The following EMSY variants were observed in gnomAD, a reference collection of about 807,000 sequenced individuals.
EMSY encodes BRCA2-interacting transcriptional repressor EMSY.
A neutral mutation model predicts 134.6 loss-of-function variants in EMSY; 26 were observed. The observed-to-expected ratio is 0.19, with a 90% CI of 0.14 to 0.27. EMSY has a LOEUF of 0.27. Among genes scored for constraint, EMSY ranks in the 10% least tolerant of loss-of-function variants. The pLI, the probability that EMSY is intolerant of heterozygous loss-of-function variation, is 1.00. For synonymous variants in EMSY, 579 were observed against 577.8 expected (o/e 1.00, Z -0.03); for missense variants, 1,305 against 1,611.4 (o/e 0.81, Z 3.26).
chr11:76,460,261 T>C, intron 6 of EMSY, 176 bp downstream of exon 7: 4 of 702,636 alleles, frequency 5.7e-6, no homozygotes, highest in Non-Finnish European at 9.4e-6. Flanking sequence ...ATTGCTTTTT[T>C]AATCAGTTCT....
In EMSY at chr11:76,446,882, T is replaced by A; in HGVS notation, c.-39-18T>A. 1 of 1,559,562 alleles carries A rather than the reference T, an allele frequency of 6.4e-7. No homozygotes were observed. Among genetic ancestry groups the A allele is most frequent in the Non-Finnish European group, 8.7e-7 (1 of 1,148,652 alleles). Reference sequence around the variant, plus strand: ...TTTGGTACTTTGGTAATTTGACTTTTTTTTTTTGTTCTGGTAGGGAGGACA... The same window carrying A: ...TTTGGTACTTTGGTAATTTGACTTTATTTTTTTGTTCTGGTAGGGAGGACA... On this transcript the variant is annotated intron_variant, in intron 1 of 20. Transcript: ENST00000334736.
intron 20 of EMSY, 87 bp from the exon 22 acceptor site, chr11:76,549,865 C>CTTTTTTTTTTTTT: frequency 2.0e-6 from 2 of 992,770 alleles, no homozygotes; most frequent in Non-Finnish European, 2.8e-6. Flanking sequence ...TGTCAGTTTT[C>CTTTTTTTTTTTTT]TTTTTTTTTT....
At chr11:76,457,761 C>T (rs2135005973) in intron 4 of EMSY, among the ~76,000 whole-genome samples, 1 of 152,274 alleles carries the variant, frequency 6.6e-6, no homozygotes, top group Middle Eastern at 3.4e-3. Context: ...TCAGTGAATT[C>T]CATCCTTAAT....
chr11:76,474,850 G>A (rs902456063), intron 8 of EMSY, among the ~76,000 whole-genome samples: 1 of 152,058 alleles, frequency 6.6e-6, no homozygotes, highest in South Asian at 2.1e-4. Flanking sequence ...TGCAACCTCC[G>A]CCTCCCGGGT....
chr11:76,522,713 A>T (rs1037104512), intron 11 of EMSY, among the ~76,000 whole-genome samples: 3 of 151,634 alleles, frequency 2.0e-5, no homozygotes, highest in Non-Finnish European at 4.4e-5. Context: ...CTTTTCATAA[A>T]TTTTTTCTAG....
intron 8 of EMSY, among the ~76,000 whole-genome samples, chr11:76,490,825 T>G (rs547140403): frequency 1.3e-5 from 2 of 152,266 alleles, no homozygotes; most frequent in Middle Eastern, 3.4e-3. Flanking sequence ...GAAGCTAAGA[T>G]CTGGGTTCTG....
chr11:76,448,349 CTT>C (rs1015961153), intron 2 of EMSY, among the ~76,000 whole-genome samples: 4 of 150,982 alleles, frequency 2.6e-5, no homozygotes, highest in African/African-American at 4.9e-5. Flanking sequence ...TTTAACCAAA[CTT>C]TTAGTCCTAA....
intron 11 of EMSY, among the ~76,000 whole-genome samples, chr11:76,520,114 A>G (rs1950591512): frequency 6.6e-6 from 1 of 152,158 alleles, no homozygotes; most frequent in African/African-American, 2.4e-5. Flanking sequence ...ATACAGAAAC[A>G]TGTTCACTAG....
intron 18 of EMSY, among the ~76,000 whole-genome samples, 199 bp from the exon 20 acceptor site, chr11:76,544,057 AAGT>A (rs1216602142): frequency 1.3e-5 from 2 of 152,164 alleles, no homozygotes; most frequent in African/African-American, 4.8e-5. Flanking sequence ...TTATAGTAGT[AAGT>A]AGACCAGTTT....
intron 14 of EMSY, among the ~76,000 whole-genome samples, chr11:76,531,604 AGAT>A (rs1363619963): frequency 6.6e-6 from 1 of 152,188 alleles, no homozygotes; most frequent in Non-Finnish European, 1.5e-5. Context: ...CACTTGGTTA[AGAT>A]GATGTCTTCT....
chr11:76,514,835 T>C (rs1950392698), intron 10 of EMSY, among the ~76,000 whole-genome samples: 1 of 152,170 alleles, frequency 6.6e-6, no homozygotes, highest in South Asian at 2.1e-4. Flanking sequence ...TATTATTCTT[T>C]AGTATTTTTA....
chr11:76,516,438 G>C (rs1950454070), intron 11 of EMSY, 126 bp downstream of exon 12: 1 of 606,182 alleles, frequency 1.6e-6, no homozygotes. Context: ...CTTTGTTTTA[G>C]TCCTTATGTT....
intron 16 of EMSY, among the ~76,000 whole-genome samples, chr11:76,538,832 C>T (rs987420210): frequency 5.3e-5 from 8 of 152,044 alleles, no homozygotes; most frequent in Non-Finnish European, 7.4e-5. Flanking sequence ...GTGGCACTTG[C>T]CTGTAGTCCC....
intron 9 of EMSY, among the ~76,000 whole-genome samples, chr11:76,508,538 A>G (rs903584022): frequency 1.3e-5 from 2 of 152,166 alleles, no homozygotes; most frequent in East Asian, 1.9e-4. Context: ...ACTTAAACTC[A>G]GCAACTGCAT....
chr11:76,464,814 G>A (rs147678120), intron 7 of EMSY, among the ~76,000 whole-genome samples: 1 of 152,274 alleles, frequency 6.6e-6, no homozygotes, highest in African/African-American at 2.4e-5. Context: ...ATGGTAGACT[G>A]CAAATTTCTT....
intron 3 of EMSY, 67 bp from the exon 4 acceptor site, chr11:76,453,247 C>T: frequency 6.8e-7 from 1 of 1,461,152 alleles, no homozygotes; most frequent in South Asian, 1.2e-5. Context: ...TTGACTTAAA[C>T]ATTAATGAAA....
At chr11:76,471,691 A>G (rs1468240299) in intron 7 of EMSY, among the ~76,000 whole-genome samples, 1 of 152,172 alleles carries the variant, frequency 6.6e-6, no homozygotes, top group Non-Finnish European at 1.5e-5. Context: ...TTTGGACAGA[A>G]GACCTCAGAG....
chr11:76,480,154 T>G (rs1043743693), intron 8 of EMSY, among the ~76,000 whole-genome samples: 1 of 152,186 alleles, frequency 6.6e-6, no homozygotes, highest in Non-Finnish European at 1.5e-5. Context: ...ACTGTTTTGG[T>G]GTTAATGCCC....
At chr11:76,528,273 T>C (rs866340266) in exon 14 of EMSY, 1 of 1,613,196 alleles carries the variant, frequency 6.2e-7, no homozygotes, top group Admixed American at 1.7e-5. Context: ...CCTAGGTTCT[T>C]ATTAAACCCA....
Sources: allele counts gnomAD v4.1 joint callset (sites outside exome capture counted in the v4.1 genomes callset), GRCh38; gene constraint gnomAD v4.1.1; transcripts MANE v1.5; gene names NCBI Gene and HGNC (gene_info 2026-07-23, HGNC 2026-07-21).